The following CLMP variants were observed in gnomAD, a reference collection of about 807,000 sequenced individuals.
The protein encoded by CLMP is CXADR like cell adhesion molecule.
CLMP carries 27 observed loss-of-function variants against 45.2 expected under a neutral mutation model. That is an observed-to-expected ratio of 0.60 (90% CI 0.44 to 0.82). The LOEUF (loss-of-function observed/expected upper bound fraction) is 0.82, where lower values mean the gene tolerates loss of function less well. Among genes scored for constraint, CLMP ranks in the 40% least tolerant of loss-of-function variants. CLMP has a pLI of 0.00. For synonymous variants in CLMP, 167 were observed against 171.4 expected (o/e 0.97, Z 0.20); for missense variants, 403 against 448.4 (o/e 0.90, Z 0.91).
At chr11:123,088,245 C>T (rs1252404660) in intron 2 of CLMP, among the ~76,000 whole-genome samples, 2 of 152,042 alleles carry the variant, frequency 1.3e-5, no homozygotes, top group South Asian at 2.1e-4. Flanking sequence ...ATAGAGCTGA[C>T]TTAGTAATGC....
At chr11:123,174,376 T>C (rs4372465) in intron 1 of CLMP, among the ~76,000 whole-genome samples, 91,902 of 152,008 alleles carry the variant, frequency 0.6, 28,019 homozygotes, top group Admixed American at 0.68. Flanking sequence ...AACAAGATGG[T>C]TAATGGGAAG....
chr11:123,192,970 AG>A (rs756308230), intron 1 of CLMP: 29 of 152,364 alleles, frequency 1.9e-4, no homozygotes, highest in Non-Finnish European at 3.5e-4. Flanking sequence ...AAATAAGGAC[AG>A]GTGCTCAAAA....
intron 1 of CLMP, among the ~76,000 whole-genome samples, chr11:123,155,968 C>T (rs1026590279): frequency 3.3e-5 from 5 of 152,158 alleles, no homozygotes; most frequent in Non-Finnish European, 1.5e-5. Flanking sequence ...AATATACCAT[C>T]TTAGGAACTG....
chr11:123,096,397 G>A (rs374642686), intron 2 of CLMP, among the ~76,000 whole-genome samples: 53 of 152,156 alleles, frequency 3.5e-4, no homozygotes, highest in African/African-American at 4.6e-4. Context: ...GGTGGTGCAC[G>A]TCTGTAATCC....
intron 2 of CLMP, among the ~76,000 whole-genome samples, chr11:123,097,388 A>G (rs1866003327): frequency 6.6e-6 from 1 of 151,768 alleles, no homozygotes; most frequent in Non-Finnish European, 1.5e-5. Flanking sequence ...CCCAGGCTGG[A>G]GTGCAGTGGC....
At chr11:123,082,746 G>C (rs888553385) in intron 5 of CLMP, among the ~76,000 whole-genome samples, 9 of 151,818 alleles carry the variant, frequency 5.9e-5, no homozygotes, top group Non-Finnish European at 8.8e-5. Context: ...GAGTAGCTGA[G>C]ATTACAGGCG....
At chr11:123,150,478 AGAAAGG>A (rs1861307040) in intron 1 of CLMP, among the ~76,000 whole-genome samples, 17 of 103,666 alleles carry the variant, frequency 1.6e-4, no homozygotes, top group Non-Finnish European at 3.2e-4. Flanking sequence ...AAAGAAAGAA[AGAAAGG>A]AAGGAAGGAA....
chr11:123,195,200 C>T lies in CLMP; in HGVS notation c.-260G>A. On this transcript the variant is annotated 5_prime_UTR_variant, in exon 1 of 7. Coordinates refer to ENST00000448775, the MANE Select transcript of CLMP (RefSeq NM_024769.5). ...GGGAGGAAAACGCGAGGCGAAAAGG[C>T]GCTACCGCTTCGTGGAACACTTTTC... 3.8e-6 allele frequency: 1 copy of T among 265,522 alleles called. No individual in the cohort carries two copies. The highest frequency in any genetic ancestry group is 7.0e-6 in the Non-Finnish European group (1 of 142,768). The allele number at this position is 265,522 out of a possible 1,614,324, so 16.4% of individuals were successfully genotyped here. A position where few individuals can be genotyped will look rare whatever the true frequency, so the allele number is the denominator to read the frequency against.
intron 1 of CLMP, among the ~76,000 whole-genome samples, chr11:123,175,889 C>T (rs912961889): frequency 1.3e-5 from 2 of 152,212 alleles, no homozygotes; most frequent in Non-Finnish European, 2.9e-5. Context: ...GTTTTGACTC[C>T]TGCAGCTGTG....
chr11:123,096,909 C>A (rs1200809581), intron 2 of CLMP, among the ~76,000 whole-genome samples: 2 of 151,828 alleles, frequency 1.3e-5, no homozygotes, highest in African/African-American at 4.8e-5. Context: ...CTCCTGGGCT[C>A]AAGCGATCCT....
intron 1 of CLMP, among the ~76,000 whole-genome samples, chr11:123,128,805 T>C (rs966927442): frequency 1.3e-5 from 2 of 152,220 alleles, no homozygotes; most frequent in Admixed American, 6.6e-5. Flanking sequence ...GAAACTTTTA[T>C]ACTAATAGCT....
At chr11:123,089,649 C>T (rs1251942244) in intron 2 of CLMP, among the ~76,000 whole-genome samples, 6 of 150,644 alleles carry the variant, frequency 4.0e-5, no homozygotes, top group East Asian at 4.0e-4. Context: ...TGGTGGCGGG[C>T]GCCCGTAGTT....
chr11:123,103,699 T>C (rs1225529523), intron 1 of CLMP, among the ~76,000 whole-genome samples: 3 of 152,030 alleles, frequency 2.0e-5, no homozygotes, highest in African/African-American at 7.2e-5. Context: ...TGTCCCTTTT[T>C]TTTTCTTTCT....
chr11:123,136,072 A>C (rs77492164), intron 1 of CLMP: 9,274 of 602,598 alleles, frequency 0.015, 565 homozygotes, highest in African/African-American at 0.15. Context: ...GCTTTGTTTG[A>C]ATCTTTTTCA....
chr11:123,178,732 G>A (rs1236952087), intron 1 of CLMP, among the ~76,000 whole-genome samples: 1 of 152,178 alleles, frequency 6.6e-6, no homozygotes, highest in Non-Finnish European at 1.5e-5. Flanking sequence ...TCTATTTAAA[G>A]GGTTTTTGAG....
rs779025023 is a variant in CLMP, at chr11:123,073,492, T to C, written c.1104A>G (p.Arg368=). Residue 368 remains arginine, a synonymous_variant, in exon 7 of 7, where the codon AGA becomes AGG. Transcript: ENST00000448775. Reference sequence around the variant, plus strand: ...TTGTAATTCAGACCGTTTGGAAGGCTCTGCTCTGGCTGGGGATCATGCTGG... The same window carrying C: ...TTGTAATTCAGACCGTTTGGAAGGCCCTGCTCTGGCTGGGGATCATGCTGG... ...TTPSMIPSQS[R]AFQTV The C allele has an allele frequency of 6.2e-7, 1 of 1,613,482 alleles. No individual in the cohort carries two copies. The highest frequency in any genetic ancestry group is 8.5e-7 in the Non-Finnish European group (1 of 1,179,622).
At chr11:123,143,526 G>GA (rs1465887292) in intron 1 of CLMP, among the ~76,000 whole-genome samples, 2 of 151,960 alleles carry the variant, frequency 1.3e-5, no homozygotes, top group Non-Finnish European at 2.9e-5. Context: ...GGGGGCGGGG[G>GA]GGGCATGAGA....
chr11:123,130,935 C>T (rs867097726), intron 1 of CLMP, among the ~76,000 whole-genome samples: 2 of 151,136 alleles, frequency 1.3e-5, no homozygotes, highest in East Asian at 1.9e-4. Flanking sequence ...CCCTGCCTCC[C>T]GGGTTCAAAT....
intron 1 of CLMP, among the ~76,000 whole-genome samples, chr11:123,176,215 G>C (rs1438239181): frequency 6.6e-6 from 1 of 152,144 alleles, no homozygotes; most frequent in Non-Finnish European, 1.5e-5. Flanking sequence ...TTAACAGCAG[G>C]ATGGTAGTTT....
Sources: allele counts gnomAD v4.1 joint callset (sites outside exome capture counted in the v4.1 genomes callset), GRCh38; gene constraint gnomAD v4.1.1; transcripts MANE v1.5; gene names NCBI Gene and HGNC (gene_info 2026-07-23, HGNC 2026-07-21).